SCEL: variants seen among roughly 807,000 people sequenced by gnomAD.
SCEL encodes the protein sciellin.
In SCEL, 113 loss-of-function variants were observed where a neutral mutation model predicts 117.6. The observed-to-expected ratio is 0.96, with a 90% CI of 0.83 to 1.12. The LOEUF is 1.12. Ranked by LOEUF, SCEL falls within the 50% of genes most tolerant of loss-of-function variation. The pLI, the probability that SCEL is intolerant of heterozygous loss-of-function variation, is 0.00. For synonymous variants in SCEL, 270 were observed against 256.2 expected (o/e 1.05, Z -0.51); for missense variants, 785 against 810.8 (o/e 0.97, Z 0.39).
Position 77,568,278 on chromosome 13 carries a change from T to G in SCEL, c.360-17T>G, listed in dbSNP as rs750861192. On this transcript the variant is annotated splice_polypyrimidine_tract_variant and intron_variant, in intron 6 of 32. Coordinates refer to ENST00000349847, the MANE Select transcript of SCEL (RefSeq NM_144777.3). ...ATTCTTCATTGTTCAAACTTTGCTT[T>G]CTTTCTCTCTTACCAGGAGCATGTC... 1.3e-6 allele frequency: 2 copies of G among 1,535,986 alleles called. No individual in the cohort carries two copies. Among genetic ancestry groups the G allele is most frequent in the East Asian group, 2.3e-5 (1 of 43,536 alleles).
rs747812380 is a variant in SCEL, at chr13:77,613,882, T to C, written c.1389-11T>C. ...TATGAAATTTGCCGATTTCCTCTAA[T>C]TTTGTTTTAGCAGTGAACAAGGTCT... On this transcript the variant is annotated splice_polypyrimidine_tract_variant and intron_variant, in intron 23 of 32. Transcript: ENST00000349847. 1 of 1,612,018 alleles carries C rather than the reference T, an allele frequency of 6.2e-7. No individual in the cohort carries two copies. The highest frequency in any genetic ancestry group is 8.5e-7 in the Non-Finnish European group (1 of 1,178,688).
chr13:77,628,048 C>A, intron 28 of SCEL, 39 bp downstream of exon 28: 3 of 809,648 alleles, frequency 3.7e-6, no homozygotes, highest in Non-Finnish European at 5.7e-6. Flanking sequence ...CTTATGAGTT[C>A]TATATGCATC....
intron 27 of SCEL, among the ~76,000 whole-genome samples, chr13:77,623,211 G>A (rs1230148786): frequency 4.6e-5 from 7 of 152,204 alleles, no homozygotes; most frequent in Admixed American, 2.0e-4. Flanking sequence ...AACTTGGAAA[G>A]CTTATGAGCA....
Position 77,559,805 on chromosome 13 carries a change from G to C in SCEL, c.163G>C (p.Asp55His), listed in dbSNP as rs1245353866. Residue 55 changes from aspartate to histidine, a missense_variant and splice_region_variant, in exon 4 of 33, where the codon GAT (aspartate) becomes CAT (histidine). Physicochemically the swap from Asp to His is moderately conservative, Grantham distance 81 (BLOSUM62 -1). Coordinates refer to ENST00000349847, the MANE Select transcript of SCEL (RefSeq NM_144777.3). ...WIKKRPEEEK[D>H]ENYGRVVLNR... ...CATACTTTTGTTCTTTCTTTGCAGA[G>C]ATGAAAATTACGGTAGGGTGGTGCT... The C allele has an allele frequency of 6.2e-7, 1 of 1,613,398 alleles. No homozygotes were observed. The highest frequency in any genetic ancestry group is 1.3e-5 in the African/African-American group (1 of 74,912).
Position 77,634,462 on chromosome 13 carries a change from T to G in SCEL, c.1763+12T>G, listed in dbSNP as rs2090178718. The G allele has an allele frequency of 8.3e-6, 13 of 1,568,474 alleles. No homozygotes were observed. The highest frequency in any genetic ancestry group is 1.1e-5 in the Non-Finnish European group (13 of 1,139,546). On this transcript the variant is annotated intron_variant, in intron 29 of 32. Transcript: ENST00000349847. The stretch of plus-strand genomic sequence containing the variant: ...TATGTGGAGAATAGGTATTCAAAAT[T>G]TATTTCAAATATATTGCTTCATTTT...
intron 9 of SCEL, among the ~76,000 whole-genome samples, chr13:77,586,461 C>G (rs2086571112): frequency 6.6e-6 from 1 of 152,066 alleles, no homozygotes; most frequent in Admixed American, 6.6e-5. Flanking sequence ...TTCACAGTCC[C>G]CACTACTCAT....
intron 1 of SCEL, among the ~76,000 whole-genome samples, chr13:77,552,242 T>G (rs1454747090): frequency 6.7e-6 from 1 of 148,956 alleles, no homozygotes; most frequent in African/African-American, 2.5e-5. Flanking sequence ...ATGGTATTTC[T>G]AGTTCTAGAT....
chr13:77,569,444 A>G lies in SCEL; in HGVS notation c.472A>G (p.Lys158Glu), dbSNP rs2085472305. Residue 158 changes from lysine to glutamate, a missense_variant, in exon 8 of 33, where the codon AAG (lysine) becomes GAG (glutamate). Transcript: ENST00000349847. ...CACTTCTGCTACTACTCCTGTAAAGAAGAAGAGGTAGGATGAACTCACTGT... is the reference window on the plus strand; with the variant it reads ...CACTTCTGCTACTACTCCTGTAAAGGAGAAGAGGTAGGATGAACTCACTGT... ...ASTSATTPVK[K>E]KRQSWFPPPP... is the part of the protein sequence containing the mutation. The G allele has an allele frequency of 1.2e-6, 2 of 1,612,512 alleles. No homozygotes were observed. The highest frequency in any genetic ancestry group is 3.3e-5 in the Admixed American group (2 of 59,988).
intron 1 of SCEL, among the ~76,000 whole-genome samples, chr13:77,555,065 C>G (rs2084574494): frequency 1.3e-5 from 2 of 151,966 alleles, no homozygotes; most frequent in South Asian, 2.1e-4. Context: ...AATAATGAAG[C>G]CAGCCAGGAT....
chr13:77,640,863 A>T (rs2090526839), intron 31 of SCEL, 79 bp downstream of exon 31: 1 of 725,424 alleles, frequency 1.4e-6, no homozygotes, highest in Admixed American at 3.0e-5. Flanking sequence ...AATGTAATAC[A>T]TGAGATGAAG....
At chr13:77,633,788 A>G (rs968486295) in intron 28 of SCEL, among the ~76,000 whole-genome samples, 5 of 152,216 alleles carry the variant, frequency 3.3e-5, no homozygotes, top group African/African-American at 1.2e-4. Flanking sequence ...AGAAATTTCT[A>G]ATTTTATGTG....
At chr13:77,640,625 C>A in intron 30 of SCEL, 51 bp from the exon 31 acceptor site, 1 of 857,406 alleles carries the variant, frequency 1.2e-6, no homozygotes, top group Non-Finnish European at 1.8e-6. Context: ...GGGAATACAT[C>A]TGTCTTCTGT....
At chr13:77,552,428 C>T (rs1450607302) in intron 1 of SCEL, among the ~76,000 whole-genome samples, 2 of 151,940 alleles carry the variant, frequency 1.3e-5, no homozygotes, top group Non-Finnish European at 2.9e-5. Flanking sequence ...TTTTGATTTG[C>T]ATTTCTCTGA....
At chr13:77,642,684 A>G (rs759414997) in intron 31 of SCEL, 22 bp from the exon 32 acceptor site, 6 of 1,359,634 alleles carry the variant, frequency 4.4e-6, no homozygotes, top group South Asian at 1.2e-5. Flanking sequence ...TGGAAACTTT[A>G]TATATGTATT....
chr13:77,614,964 T>C (rs1043082164), intron 24 of SCEL, among the ~76,000 whole-genome samples: 2 of 152,092 alleles, frequency 1.3e-5, no homozygotes, highest in Non-Finnish European at 1.5e-5. Flanking sequence ...AGCAGGCAAT[T>C]AACATAGATT....
At chr13:77,620,214 AC>A (rs762641122) in intron 27 of SCEL, among the ~76,000 whole-genome samples, 1 of 152,188 alleles carries the variant, frequency 6.6e-6, no homozygotes, top group East Asian at 1.9e-4. Flanking sequence ...AAGCAGACAA[AC>A]AGGAAAGACT....
At chr13:77,619,344 T>G (rs2089279927) in intron 27 of SCEL, among the ~76,000 whole-genome samples, 1 of 152,190 alleles carries the variant, frequency 6.6e-6, no homozygotes, top group East Asian at 1.9e-4. Context: ...AATCTATTCA[T>G]GCACCCTATT....
intron 27 of SCEL, among the ~76,000 whole-genome samples, chr13:77,626,412 A>G (rs545459047): frequency 1.3e-5 from 2 of 152,270 alleles, no homozygotes; most frequent in South Asian, 4.2e-4. Flanking sequence ...CATTCTCACC[A>G]CAATTGTATG....
intron 1 of SCEL, among the ~76,000 whole-genome samples, chr13:77,538,568 C>T (rs538082665): frequency 6.6e-5 from 10 of 152,250 alleles, no homozygotes; most frequent in Middle Eastern, 3.4e-3. Flanking sequence ...GACAGCTACA[C>T]GTACTAGACT....
Sources: gnomAD v4.1 joint callset for allele counts (sites outside exome capture counted in the v4.1 genomes callset) on GRCh38, gnomAD v4.1.1 for gene constraint, MANE v1.5 for transcripts, NCBI Gene and HGNC (gene_info 2026-07-23, HGNC 2026-07-21) for gene names.